The following RAPGEF1 variants were observed in gnomAD, a reference collection of about 807,000 sequenced individuals.
RAPGEF1 encodes CRK SH3-binding GNRP.
Under a neutral mutation model 143.3 loss-of-function variants are expected in RAPGEF1, and 33 were observed. That is an observed-to-expected ratio of 0.23 (90% CI 0.17 to 0.31). RAPGEF1 has a LOEUF of 0.31. Among genes scored for constraint, RAPGEF1 ranks in the 10% least tolerant of loss-of-function variants. RAPGEF1 has a pLI of 1.00. For synonymous variants in RAPGEF1, 629 were observed against 676.5 expected (o/e 0.93, Z 1.09); for missense variants, 1,199 against 1,645.4 (o/e 0.73, Z 4.69).
chr9:131,628,154 C>G lies in RAPGEF1; in HGVS notation c.1018-58G>C. Reference sequence around the variant, plus strand: ...ACTTCTGAGAAACGGTGGCACAGACCAGGGGTGAGGCAACCGGTGCATTTA... The same window carrying G: ...ACTTCTGAGAAACGGTGGCACAGACGAGGGGTGAGGCAACCGGTGCATTTA... On this transcript the variant is annotated intron_variant, in intron 8 of 26. Transcript: ENST00000683357. This position sits in a 1 kb window ranked among gnomAD's most constrained non-coding sequence, Gnocchi z 5.7. 8 of 1,428,582 alleles carry G rather than the reference C, an allele frequency of 5.6e-6. No homozygotes were observed. The South Asian group carries it at 1.1e-4, about 20-fold the overall frequency. 88.5% of individuals were successfully genotyped at this position (1,428,582 alleles called of 1,614,324 possible). A position where few individuals can be genotyped will look rare whatever the true frequency, so the allele number is the denominator to read the frequency against.
At chr9:131,696,353 G>A in intron 1 of RAPGEF1, among the ~76,000 whole-genome samples, 1 of 152,174 alleles carries the variant, frequency 6.6e-6, no homozygotes, top group East Asian at 1.9e-4. Context: ...CTAACAAAAG[G>A]TTTTTACATC....
At chr9:131,736,678 T>C (rs1421136351) in intron 1 of RAPGEF1, among the ~76,000 whole-genome samples, 2 of 152,178 alleles carry the variant, frequency 1.3e-5, no homozygotes, top group Non-Finnish European at 2.9e-5. Context: ...CTGCACACTA[T>C]GCGGGATGTG....
Position 131,628,781 on chromosome 9 carries a change from C to T in RAPGEF1, c.894-109G>A. ...TTCTTTCATTACTAGACTCTCCACA[C>T]CCAATGTTCACACTTCAACTCCTGC... On this transcript the variant is annotated intron_variant, in intron 7 of 26. Coordinates refer to ENST00000683357, the MANE Select transcript of RAPGEF1 (RefSeq NM_001377935.1). This position sits in a 1 kb window ranked among gnomAD's most constrained non-coding sequence, Gnocchi z 5.7. 7.1e-7 allele frequency: 1 copy of T among 1,401,488 alleles called. No homozygotes were observed. The allele number at this position is 1,401,488 out of a possible 1,614,324, so 86.8% of individuals were successfully genotyped here.
Position 131,740,023 on chromosome 9 carries a change from C to T in RAPGEF1, c.-193G>A. 6.6e-6 allele frequency: 1 copy of T among 150,616 alleles called. No homozygotes were observed. Among genetic ancestry groups the T allele is most frequent in the Non-Finnish European group, 1.4e-5 (1 of 70,032 alleles). 9.3% of individuals were successfully genotyped at this position (150,616 alleles called of 1,614,324 possible). On this transcript the variant is annotated 5_prime_UTR_variant, in exon 1 of 27. Coordinates refer to ENST00000683357, the MANE Select transcript of RAPGEF1 (RefSeq NM_001377935.1). This position sits in a 1 kb window ranked among gnomAD's most constrained non-coding sequence, Gnocchi z 4.5. ...CGCGCCCGCCGCCGCCGCTCCGCCT[C>T]CCGCGCGCCCGCCGCCGCTCCCCCG...
intron 1 of RAPGEF1, chr9:131,709,553 G>T: frequency 6.8e-7 from 1 of 1,474,692 alleles, no homozygotes; most frequent in Non-Finnish European, 9.5e-7. Flanking sequence ...CTCTGCTGCT[G>T]GGCCAGTCTC....
chr9:131,577,027 G>A lies in RAPGEF1; in HGVS notation c.*2470C>T, dbSNP rs981896914. On this transcript the variant is annotated 3_prime_UTR_variant, in exon 27 of 27. Transcript: ENST00000683357. ...GTGAGGACTGACCTCTGCAAGGAAC[G>A]AGTCCTCCGCCTGGCTCACGTCTGT... 6.7e-6 allele frequency: 1 copy of A among 148,244 alleles called. No individual in the cohort carries two copies. Among genetic ancestry groups the A allele is most frequent in the Non-Finnish European group, 1.5e-5 (1 of 67,066 alleles). The allele number at this position is 148,244 out of a possible 1,614,324, so 9.2% of individuals were successfully genotyped here. A position where few individuals can be genotyped will look rare whatever the true frequency, so the allele number is the denominator to read the frequency against.
chr9:131,616,735 C>T (rs1959069222), intron 12 of RAPGEF1, among the ~76,000 whole-genome samples: 1 of 152,146 alleles, frequency 6.6e-6, no homozygotes, highest in Non-Finnish European at 1.5e-5. Context: ...GGCCCAGGAG[C>T]AATGAATGAA....
chr9:131,661,418 C>T (rs1974057555), intron 1 of RAPGEF1, among the ~76,000 whole-genome samples: 1 of 152,058 alleles, frequency 6.6e-6, no homozygotes, highest in African/African-American at 2.4e-5. Context: ...AGTGGTTATG[C>T]TCGGGGAGTG....
intron 12 of RAPGEF1, among the ~76,000 whole-genome samples, chr9:131,615,155 C>A (rs902171061): frequency 2.6e-5 from 4 of 152,264 alleles, no homozygotes; most frequent in Non-Finnish European, 5.9e-5. Context: ...TCACCGCAAG[C>A]TCCGCCTCCT....
intron 1 of RAPGEF1, among the ~76,000 whole-genome samples, chr9:131,680,385 G>A (rs1832802359): frequency 2.0e-5 from 3 of 152,174 alleles, no homozygotes; most frequent in Admixed American, 1.3e-4. Flanking sequence ...TTGGGAGCAG[G>A]CCCCCCAAAA....
At chr9:131,734,516 A>C (rs968553525) in intron 1 of RAPGEF1, among the ~76,000 whole-genome samples, 1 of 152,250 alleles carries the variant, frequency 6.6e-6, no homozygotes, top group Non-Finnish European at 1.5e-5. Context: ...GGAGGCACTC[A>C]GTAAGTGTTA....
intron 1 of RAPGEF1, among the ~76,000 whole-genome samples, chr9:131,730,324 A>C (rs190655004): frequency 1.1e-4 from 17 of 152,270 alleles, no homozygotes; most frequent in Non-Finnish European, 2.1e-4. Context: ...TACTGCCATT[A>C]AAAATCATCA....
At chr9:131,670,046 G>A (rs1030612317) in intron 1 of RAPGEF1, among the ~76,000 whole-genome samples, 3 of 152,130 alleles carry the variant, frequency 2.0e-5, no homozygotes, top group East Asian at 1.9e-4. Flanking sequence ...CTGAAGCCTC[G>A]AAGTGACCCT....
intron 1 of RAPGEF1, among the ~76,000 whole-genome samples, chr9:131,684,062 T>C (rs1429723488): frequency 1.3e-5 from 2 of 152,258 alleles, no homozygotes; most frequent in Non-Finnish European, 2.9e-5. Flanking sequence ...TTAGTGCCTC[T>C]GGTCTCAAAC....
intron 5 of RAPGEF1, among the ~76,000 whole-genome samples, chr9:131,632,131 CTCTT>C (rs1429831072): frequency 1.9e-4 from 28 of 146,854 alleles, no homozygotes; most frequent in African/African-American, 6.9e-4. Context: ...TTGAGACTCT[CTCTT>C]TTTTTTTTTT....
chr9:131,636,285 T>G (rs1348569363), intron 5 of RAPGEF1, among the ~76,000 whole-genome samples: 2 of 152,270 alleles, frequency 1.3e-5, no homozygotes, highest in African/African-American at 4.8e-5. Flanking sequence ...CACTAAATGC[T>G]TCTTGAATAA....
At chr9:131,733,101 G>C (rs938770218) in intron 1 of RAPGEF1, among the ~76,000 whole-genome samples, 2 of 152,110 alleles carry the variant, frequency 1.3e-5, no homozygotes, top group Non-Finnish European at 2.9e-5. Flanking sequence ...TTCACATTGT[G>C]TTTGGGGTGG....
intron 13 of RAPGEF1, 49 bp downstream of exon 13, chr9:131,604,882 A>AGG (rs749210074): frequency 1.1e-5 from 14 of 1,241,598 alleles, no homozygotes; most frequent in East Asian, 1.2e-4. Flanking sequence ...CCCCATGTGC[A>AGG]GGGGTGTGTG....
intron 1 of RAPGEF1, among the ~76,000 whole-genome samples, chr9:131,680,019 C>T (rs113807918): frequency 1.1e-3 from 169 of 152,332 alleles, no homozygotes; most frequent in African/African-American, 3.8e-3. Context: ...GTCTGCCATA[C>T]GCATCTAGCT....
Sources: allele counts gnomAD v4.1 joint callset (sites outside exome capture counted in the v4.1 genomes callset), GRCh38; gene constraint gnomAD v4.1.1; non-coding constraint Gnocchi (gnomAD v3.1); transcripts MANE v1.5; gene names NCBI Gene and HGNC (gene_info 2026-07-23, HGNC 2026-07-21).